RANBP2: variants seen among roughly 807,000 people sequenced by gnomAD.
RANBP2 encodes E3 SUMO-protein ligase RanBP2.
A neutral mutation model predicts 303.6 loss-of-function variants in RANBP2; 57 were observed. That is an observed-to-expected ratio of 0.19 (90% CI 0.15 to 0.23). RANBP2 has a LOEUF of 0.23. Among genes scored for constraint, RANBP2 ranks in the 10% least tolerant of loss-of-function variants. RANBP2 has a pLI of 1.00. For synonymous variants in RANBP2, 1,167 were observed against 1,301.5 expected, an observed-to-expected ratio of 0.90 and a Z score of 2.23; for missense variants, 3,138 against 3,780.8, an observed-to-expected ratio of 0.83 and a Z score of 4.46.
the RANBP2 span, among the ~76,000 whole-genome samples, chr2:109,154,086 T>G: frequency 6.6e-6 from 1 of 152,192 alleles, no homozygotes; most frequent in Non-Finnish European, 1.5e-5. Flanking sequence ...ACACTGTCAA[T>G]ATGCTGTGGT....
the RANBP2 span, among the ~76,000 whole-genome samples, chr2:109,161,139 T>A: frequency 6.6e-6 from 1 of 152,186 alleles, no homozygotes; most frequent in African/African-American, 2.4e-5. Context: ...TCCTTGTTAC[T>A]AGGCATAAAG....
At chr2:108,795,150 ATTTTTTTT>A in the RANBP2 span, among the ~76,000 whole-genome samples, 1 of 85,040 alleles carries the variant, frequency 1.2e-5, no homozygotes, top group South Asian at 4.4e-4. Flanking sequence ...TCTAAAGTGT[ATTTTTTTT>A]TTTTTTTTTT....
chr2:108,961,748 G>A, the RANBP2 span, among the ~76,000 whole-genome samples: 3 of 152,148 alleles, frequency 2.0e-5, no homozygotes, highest in African/African-American at 7.2e-5. Flanking sequence ...TCCTGGAAGA[G>A]GTGAGAAGTG....
chr2:109,009,355 T>A, the RANBP2 span, among the ~76,000 whole-genome samples: 1 of 151,672 alleles, frequency 6.6e-6, no homozygotes, highest in Non-Finnish European at 1.5e-5. Context: ...TATATATAAA[T>A]AAATAAATAA....
the RANBP2 span, among the ~76,000 whole-genome samples, chr2:109,724,784 G>A: frequency 6.6e-6 from 1 of 152,158 alleles, no homozygotes; most frequent in African/African-American, 2.4e-5. Flanking sequence ...GGACTTTGTG[G>A]CAGGACTACA....
the RANBP2 span, chr2:109,130,105 G>A: frequency 4.5e-6 from 6 of 1,330,310 alleles, no homozygotes; most frequent in African/African-American, 7.7e-5. Flanking sequence ...GACCGCGCCG[G>A]CGGCAAAGGT....
At chr2:109,462,762 A>T in the RANBP2 span, among the ~76,000 whole-genome samples, 7 of 152,190 alleles carry the variant, frequency 4.6e-5, no homozygotes, top group African/African-American at 1.7e-4. Context: ...AGAACTGGAG[A>T]AAACCCACAG....
At chr2:109,637,437 G>A in the RANBP2 span, among the ~76,000 whole-genome samples, 29,744 of 151,784 alleles carry the variant, frequency 0.2, 3,655 homozygotes, top group African/African-American at 0.35. Flanking sequence ...GCTGGGGGAT[G>A]GTCAGGTCTT....
chr2:109,419,524 CTT>C, the RANBP2 span: 1 of 1,580,854 alleles, frequency 6.3e-7, no homozygotes, highest in East Asian at 2.3e-5. Flanking sequence ...CCTGTCCCCT[CTT>C]GTCTGTTTCC....
At chr2:109,560,781 A>G in the RANBP2 span, among the ~76,000 whole-genome samples, 1 of 152,154 alleles carries the variant, frequency 6.6e-6, no homozygotes, top group Non-Finnish European at 1.5e-5. Context: ...CCATCCACCT[A>G]GCCATGAAAC....
At chr2:108,741,357 C>G (rs925308341) in intron 7 of RANBP2, among the ~76,000 whole-genome samples, 8 of 151,742 alleles carry the variant, frequency 5.3e-5, no homozygotes, top group African/African-American at 1.9e-4. Context: ...CTACCACACC[C>G]AGCTAATTTT....
the RANBP2 span, among the ~76,000 whole-genome samples, chr2:108,851,619 A>G: frequency 9.2e-5 from 14 of 152,152 alleles, no homozygotes; most frequent in African/African-American, 2.4e-4. Context: ...TTGGGTTTTT[A>G]TGGAGGCTTC....
At chr2:109,118,654 G>A in the RANBP2 span, among the ~76,000 whole-genome samples, 13 of 152,134 alleles carry the variant, frequency 8.5e-5, no homozygotes, top group Admixed American at 2.6e-4. Context: ...GCCCTCTTGT[G>A]AGGAGCAATA....
the RANBP2 span, among the ~76,000 whole-genome samples, chr2:109,675,955 G>A: frequency 3.3e-5 from 5 of 152,154 alleles, no homozygotes; most frequent in Admixed American, 1.3e-4. Flanking sequence ...AACAGAGGGA[G>A]CACGTGGATC....
At chr2:109,244,298 C>T in the RANBP2 span, among the ~76,000 whole-genome samples, 1 of 152,106 alleles carries the variant, frequency 6.6e-6, no homozygotes, top group Non-Finnish European at 1.5e-5. Flanking sequence ...CTTCTTCAGG[C>T]AAATGTGCAC....
the RANBP2 span, among the ~76,000 whole-genome samples, chr2:109,231,108 T>G: frequency 1.3e-5 from 2 of 152,374 alleles, no homozygotes; most frequent in Middle Eastern, 3.4e-3. Flanking sequence ...GGAAGGAGGC[T>G]TAGGTGGCTT....
At chr2:109,692,965 C>CCCG in the RANBP2 span, among the ~76,000 whole-genome samples, 1 of 151,514 alleles carries the variant, frequency 6.6e-6, no homozygotes, top group Non-Finnish European at 1.5e-5. Flanking sequence ...ATTACAGGCA[C>CCCG]CCGCCACGGT....
At chr2:109,617,515 A>G in the RANBP2 span, 6 of 167,208 alleles carry the variant, frequency 3.6e-5, no homozygotes, top group East Asian at 1.2e-3. Context: ...AATTTTTGAG[A>G]GGGACTAATT....
At chr2:109,574,502 A>G in the RANBP2 span, 1 of 858,598 alleles carries the variant, frequency 1.2e-6, no homozygotes. Context: ...GTTACAATAT[A>G]TATCCATATT....
Sources: gnomAD v4.1 joint callset for allele counts (sites outside exome capture counted in the v4.1 genomes callset) on GRCh38, gnomAD v4.1.1 for gene constraint, MANE v1.5 for transcripts, NCBI Gene and HGNC (gene_info 2026-07-23, HGNC 2026-07-21) for gene names.